The following WASF3 variants were observed in gnomAD, a reference collection of about 807,000 sequenced individuals.
WASF3 encodes the protein WASP family member 3.
In WASF3, 11 loss-of-function variants were observed where a neutral mutation model predicts 46.6. The observed-to-expected ratio is 0.24, with a 90% CI of 0.15 to 0.39. The LOEUF (loss-of-function observed/expected upper bound fraction) is 0.39. WASF3 is among the 10% of genes least tolerant of loss of function. The pLI is 1.00. For missense variants in WASF3, 576 were observed against 669.8 expected (o/e 0.86, Z 1.55); for synonymous variants, 242 against 259.7 (o/e 0.93, Z 0.65).
chr13:26,686,595 GC>G lies in WASF3; in HGVS notation c.*752del, dbSNP rs2137531112. The G allele has an allele frequency of 6.6e-6, 1 of 152,450 alleles. No homozygotes were observed. The highest frequency in any genetic ancestry group is 1.5e-5 in the Non-Finnish European group (1 of 68,158). The allele number at this position is 152,450 out of a possible 1,614,324, so 9.4% of individuals were successfully genotyped here. On this transcript the variant is annotated 3_prime_UTR_variant, in exon 10 of 10. Coordinates refer to ENST00000335327, the MANE Select transcript of WASF3 (RefSeq NM_006646.6). The stretch of plus-strand genomic sequence containing the variant: ...AACAGAGTCCATTTTCCTTCCTGGG[GC>G]CATTGGGGATGACACTCAAGATACT...
chr13:26,601,725 G>A (rs1880647955), intron 1 of WASF3, among the ~76,000 whole-genome samples: 1 of 152,158 alleles, frequency 6.6e-6, no homozygotes, highest in Non-Finnish European at 1.5e-5. Flanking sequence ...ATCTTTATTT[G>A]TAGAAAACAA....
chr13:26,619,070 A>G (rs1017886768), intron 2 of WASF3: 1 of 152,224 alleles, frequency 6.6e-6, no homozygotes, highest in African/African-American at 2.4e-5. Flanking sequence ...TTTGAAACAA[A>G]GGAGAAGCCT....
Position 26,676,573 on chromosome 13 carries a change from A to C in WASF3, c.565A>C (p.Thr189Pro). 6.2e-7 allele frequency: 1 copy of C among 1,614,122 alleles called. No homozygotes were observed. The highest frequency in any genetic ancestry group is 1.1e-5 in the South Asian group (1 of 91,064). ...GGAGCAAAAGCGTATAGATGGCACCACCCGTGAGGTGAAAAAGGTTAGAAA... is the reference window on the plus strand; with the variant it reads ...GGAGCAAAAGCGTATAGATGGCACCCCCCGTGAGGTGAAAAAGGTTAGAAA... Reference protein sequence around the residue: ...QKEQKRIDGTTREVKKVRKAR... With the variant: ...QKEQKRIDGTPREVKKVRKAR... The change falls in exon 7 of 10, where the codon ACC (threonine) becomes CCC (proline). Residue 189 changes from threonine to proline, a missense_variant. Coordinates refer to ENST00000335327, the MANE Select transcript of WASF3 (RefSeq NM_006646.6).
At chr13:26,648,337 GT>G (rs1237000706) in intron 3 of WASF3, among the ~76,000 whole-genome samples, 1 of 152,156 alleles carries the variant, frequency 6.6e-6, no homozygotes, top group Admixed American at 6.5e-5. Context: ...AGGTTTTTAA[GT>G]GATTGTTTTT....
chr13:26,614,329 A>C (rs1881069890), intron 2 of WASF3, among the ~76,000 whole-genome samples: 1 of 152,214 alleles, frequency 6.6e-6, no homozygotes, highest in South Asian at 2.1e-4. Flanking sequence ...TCTCTGACCA[A>C]GTTTAATTAA....
chr13:26,590,760 A>T (rs73166052), intron 1 of WASF3, among the ~76,000 whole-genome samples: 36,259 of 152,172 alleles, frequency 0.24, 4,971 homozygotes, highest in Non-Finnish European at 0.32. Flanking sequence ...CCATGCACTG[A>T]TCTGGGCACT....
chr13:26,642,660 T>G (rs1439113129), intron 3 of WASF3, among the ~76,000 whole-genome samples: 1 of 152,232 alleles, frequency 6.6e-6, no homozygotes, highest in African/African-American at 2.4e-5. Flanking sequence ...TAAAATAGTG[T>G]TAATTTTTAA....
intron 2 of WASF3, among the ~76,000 whole-genome samples, chr13:26,613,486 T>C (rs1881039857): frequency 6.6e-6 from 1 of 152,164 alleles, no homozygotes; most frequent in Non-Finnish European, 1.5e-5. Context: ...ACCTAATCAG[T>C]TGGCCGGACA....
At chr13:26,683,081 T>G (rs749724127) in intron 9 of WASF3, 107 bp downstream of exon 9, 24 of 1,462,478 alleles carry the variant, frequency 1.6e-5, no homozygotes, top group Non-Finnish European at 2.1e-5. Flanking sequence ...ACTACGTTTT[T>G]TAAAATAGAG....
At chr13:26,622,057 T>C (rs1408866995) in intron 2 of WASF3, among the ~76,000 whole-genome samples, 1 of 152,142 alleles carries the variant, frequency 6.6e-6, no homozygotes, top group Non-Finnish European at 1.5e-5. Flanking sequence ...AAGTAAAACA[T>C]GGTTAAAAAG....
chr13:26,557,806 G>C lies in WASF3; in HGVS notation c.-122G>C. On this transcript the variant is annotated 5_prime_UTR_variant, in exon 1 of 10. Coordinates refer to ENST00000335327, the MANE Select transcript of WASF3 (RefSeq NM_006646.6). ...AGAGCGCAGCCCCGGCGCCGGCGGC[G>C]GGACCGCGGACCGGTGAGTGAGGGC... 1 of 293,634 alleles carries C rather than the reference G, an allele frequency of 3.4e-6. No homozygotes were observed. The allele number at this position is 293,634 out of a possible 1,614,324, so 18.2% of individuals were successfully genotyped here.
intron 9 of WASF3, among the ~76,000 whole-genome samples, chr13:26,684,863 A>G (rs904741322): frequency 5.9e-5 from 9 of 152,190 alleles, no homozygotes; most frequent in Admixed American, 1.3e-4. Context: ...TTATTTCAAA[A>G]CAGTTAAAAA....
intron 1 of WASF3, among the ~76,000 whole-genome samples, chr13:26,592,297 T>C (rs1194563565): frequency 2.0e-5 from 3 of 152,192 alleles, no homozygotes; most frequent in African/African-American, 7.2e-5. Flanking sequence ...ATTTTTGTTT[T>C]TTTGCGGGAG....
intron 5 of WASF3, among the ~76,000 whole-genome samples, chr13:26,668,846 A>G (rs1043391424): frequency 6.6e-6 from 1 of 152,224 alleles, no homozygotes; most frequent in African/African-American, 2.4e-5. Context: ...AATTAAGAAT[A>G]TGTATGAATA....
chr13:26,562,232 C>G lies in WASF3; in HGVS notation c.-109+4413C>G, dbSNP rs112587795. Among the ~76,000 whole-genome samples, 83 of 152,182 alleles carry G rather than the reference C, an allele frequency of 5.5e-4. 1 individual carries two copies. The highest frequency in any genetic ancestry group is 1.7e-3 in the African/African-American group (72 of 41,516). Reference sequence around the variant, plus strand: ...GGTGTGGAGTGAGATCTGAGGCACTCTTGTGTTTGAAAGGGAAGCAGATAA... The same window carrying G: ...GGTGTGGAGTGAGATCTGAGGCACTGTTGTGTTTGAAAGGGAAGCAGATAA... On this transcript the variant is annotated intron_variant, in intron 1 of 9. Coordinates refer to ENST00000335327, the MANE Select transcript of WASF3 (RefSeq NM_006646.6).
chr13:26,546,466 G>T, the WASF3 span, among the ~76,000 whole-genome samples: 1 of 152,228 alleles, frequency 6.6e-6, no homozygotes, highest in African/African-American at 2.4e-5. Context: ...TCTTTGGGAG[G>T]CCGAGGTGGG....
intron 3 of WASF3, among the ~76,000 whole-genome samples, chr13:26,662,081 C>T (rs1882648074): frequency 6.6e-6 from 1 of 152,152 alleles, no homozygotes; most frequent in African/African-American, 2.4e-5. Flanking sequence ...CTGGCTGGAG[C>T]ACCAGGCAAG....
chr13:26,684,130 C>T (rs145038475), intron 9 of WASF3, among the ~76,000 whole-genome samples: 59 of 152,266 alleles, frequency 3.9e-4, no homozygotes, highest in African/African-American at 1.2e-3. Flanking sequence ...GTGTGGCCCA[C>T]GCACCCTTCT....
At chr13:26,569,823 AAGAC>A (rs1879580777) in intron 1 of WASF3, among the ~76,000 whole-genome samples, 1 of 152,156 alleles carries the variant, frequency 6.6e-6, no homozygotes, top group Non-Finnish European at 1.5e-5. Context: ...ATTAAAATAA[AAGAC>A]GGAAGGCACA....
Sources: gnomAD v4.1 joint callset for allele counts (sites outside exome capture counted in the v4.1 genomes callset) on GRCh38, gnomAD v4.1.1 for gene constraint, MANE v1.5 for transcripts, NCBI Gene and HGNC (gene_info 2026-07-23, HGNC 2026-07-21) for gene names.